Variants in ITPR1 observed in about 807,000 individuals in gnomAD.
ITPR1 encodes inositol 1,4,5-trisphosphate receptor type 1, also known as inositol 1,4,5-trisphosphate-gated calcium channel ITPR1.
Under a neutral mutation model 318.4 loss-of-function variants are expected in ITPR1, and 96 were observed. The observed-to-expected ratio is 0.30, with a 90% CI of 0.26 to 0.36. The LOEUF (loss-of-function observed/expected upper bound fraction) is 0.36. Among genes scored for constraint, ITPR1 ranks in the 10% least tolerant of loss-of-function variants. ITPR1 has a pLI of 1.00. For missense variants in ITPR1, 2,440 were observed against 3,460.2 expected, an observed-to-expected ratio of 0.71 and a Z score of 7.40; for synonymous variants, 1,312 against 1,289.9, an observed-to-expected ratio of 1.02 and a Z score of -0.37.
intron 55 of ITPR1, among the ~76,000 whole-genome samples, chr3:4,806,682 T>C (rs550127958): frequency 4.1e-4 from 63 of 152,204 alleles, no homozygotes; most frequent in Non-Finnish European, 6.9e-4. Flanking sequence ...GTAGCGACCA[T>C]AAGAGTAGGA....
intron 4 of ITPR1, among the ~76,000 whole-genome samples, chr3:4,566,682 C>T (rs939439618): frequency 2.0e-5 from 3 of 151,346 alleles, no homozygotes; most frequent in Non-Finnish European, 4.4e-5. Context: ...TCCCAGGTTC[C>T]TAACCTCCTG....
At chr3:4,806,372 C>T (rs1297544719) in intron 55 of ITPR1, 105 bp downstream of exon 55, 2 of 1,124,640 alleles carry the variant, frequency 1.8e-6, no homozygotes, top group East Asian at 2.4e-5. Context: ...ATTGGTGTGC[C>T]TGGTCCACCA....
chr3:4,727,788 CG>C (rs767515710), intron 42 of ITPR1, among the ~76,000 whole-genome samples: 5 of 152,204 alleles, frequency 3.3e-5, no homozygotes, highest in Non-Finnish European at 7.4e-5. Flanking sequence ...GTTTCCCAGG[CG>C]GGTCTCAGAC....
At chr3:4,832,235 G>C (rs1351254428) in intron 60 of ITPR1, among the ~76,000 whole-genome samples, 2 of 152,204 alleles carry the variant, frequency 1.3e-5, no homozygotes, top group Non-Finnish European at 2.9e-5. Context: ...GGGAGACTCT[G>C]TGTGGTGGTG....
intron 11 of ITPR1, among the ~76,000 whole-genome samples, chr3:4,652,912 C>T (rs539201363): frequency 2.6e-5 from 4 of 152,122 alleles, no homozygotes; most frequent in Middle Eastern, 6.8e-3. Flanking sequence ...CGCTTGAACA[C>T]GGGAGGCAGA....
intron 19 of ITPR1, 77 bp from the exon 20 acceptor site, chr3:4,670,652 C>G: frequency 9.1e-7 from 1 of 1,098,658 alleles, no homozygotes; most frequent in Non-Finnish European, 1.3e-6. Context: ...TTCCATGTGT[C>G]TTTATGCTGA....
At chr3:4,642,611 A>C (rs550824819) in intron 7 of ITPR1, among the ~76,000 whole-genome samples, 3 of 152,374 alleles carry the variant, frequency 2.0e-5, no homozygotes, top group East Asian at 1.9e-4. Flanking sequence ...AATAAAGTTC[A>C]TAAAGGATAG....
chr3:4,846,182 G>T lies in ITPR1; in HGVS notation c.8234G>T (p.Gly2745Val). 6.4e-7 allele frequency: 1 copy of T among 1,569,746 alleles called. No homozygotes were observed. The highest frequency in any genetic ancestry group is 1.9e-5 in the Admixed American group (1 of 53,394). Residue 2745 changes from glycine (G) to valine (V), a missense_variant, in exon 62 of 62, where the codon GGA (glycine) becomes GTA (valine). By Grantham distance (109) the Gly-to-Val change is moderately radical. This residue lies in a region of ITPR1 where 63 missense variants were observed against 63.4 expected (regional missense o/e 0.99). Transcript: ENST00000649015. ...RKQKQRIGLL[G>V]HPPHMNVNPQ... ...CAGAAACAAAGAATTGGTCTTCTAGGACATCCTCCTCACATGAATGTCAAC... is the reference window on the plus strand; with the variant it reads ...CAGAAACAAAGAATTGGTCTTCTAGTACATCCTCCTCACATGAATGTCAAC...
chr3:4,836,683 CAT>C (rs2050942578), intron 60 of ITPR1, 89 bp from the exon 61 acceptor site: 1 of 1,206,366 alleles, frequency 8.3e-7, no homozygotes, highest in Admixed American at 3.6e-5. Flanking sequence ...AGTTAGGAAA[CAT>C]GGCACGGTAA....
At chr3:4,534,526 C>T (rs1335324036) in intron 4 of ITPR1, among the ~76,000 whole-genome samples, 1 of 152,188 alleles carries the variant, frequency 6.6e-6, no homozygotes, top group African/African-American at 2.4e-5. Flanking sequence ...CACGTGTTTT[C>T]CTTTCCAAAA....
rs769648295 is a variant in ITPR1, at chr3:4,699,888, A to G, written c.4483A>G (p.Ile1495Val). 1.4e-5 allele frequency: 23 copies of G among 1,613,646 alleles called. No homozygotes were observed. The highest frequency in any genetic ancestry group is 8.3e-5 in the Admixed American group (5 of 60,004). Residue 1495 changes from isoleucine to valine, a missense_variant, in exon 35 of 62, where the codon ATT becomes GTT. Ile to Val is a conservative substitution (Grantham distance 29, BLOSUM62 3). Coordinates refer to ENST00000649015, the MANE Select transcript of ITPR1 (RefSeq NM_001378452.1). ...GTATGTCACCGAAATCGTCATGAGTATTGTTACTACTTTCTTCAGCTCTCC... is the reference window on the plus strand; with the variant it reads ...GTATGTCACCGAAATCGTCATGAGTGTTGTTACTACTTTCTTCAGCTCTCC... ...EKYVTEIVMS[I>V]VTTFFSSPFS...
At chr3:4,494,765 G>A (rs1170376731) in intron 2 of ITPR1, among the ~76,000 whole-genome samples, 4 of 152,152 alleles carry the variant, frequency 2.6e-5, no homozygotes, top group Non-Finnish European at 5.9e-5. Flanking sequence ...CCATTAAATG[G>A]AGCAATAAAA....
At chr3:4,569,713 A>C (rs1338846330) in intron 4 of ITPR1, among the ~76,000 whole-genome samples, 4 of 152,218 alleles carry the variant, frequency 2.6e-5, no homozygotes, top group Non-Finnish European at 5.9e-5. Flanking sequence ...AAAAGGGTAC[A>C]TGAGTGTTTT....
intron 44 of ITPR1, among the ~76,000 whole-genome samples, chr3:4,755,719 C>T (rs2044921758): frequency 2.0e-5 from 3 of 152,230 alleles, no homozygotes; most frequent in Admixed American, 6.5e-5. Flanking sequence ...TCCACCTTTT[C>T]TCTCAGGTGT....
intron 28 of ITPR1, 27 bp from the exon 29 acceptor site, chr3:4,684,254 C>G: frequency 6.5e-7 from 1 of 1,527,276 alleles, no homozygotes; most frequent in Non-Finnish European, 9.1e-7. Context: ...TTGTACAGAT[C>G]ACACTTGTGT....
At chr3:4,776,354 G>A (rs561277793) in intron 47 of ITPR1, among the ~76,000 whole-genome samples, 94 of 152,288 alleles carry the variant, frequency 6.2e-4, no homozygotes, top group African/African-American at 2.1e-3. Flanking sequence ...ACAGGCTTGA[G>A]CCACCGCGCC....
intron 7 of ITPR1, 67 bp from the exon 8 acceptor site, chr3:4,644,069 T>C: frequency 1.0e-6 from 1 of 996,024 alleles, no homozygotes; most frequent in East Asian, 2.6e-5. Context: ...CTTCTAGAAC[T>C]GCCCAGTGGT....
At chr3:4,569,327 T>A (rs2087735482) in intron 4 of ITPR1, among the ~76,000 whole-genome samples, 1 of 152,250 alleles carries the variant, frequency 6.6e-6, no homozygotes, top group African/African-American at 2.4e-5. Flanking sequence ...AATATAAAAT[T>A]TGATTTTTAA....
intron 24 of ITPR1, among the ~76,000 whole-genome samples, chr3:4,678,897 C>T (rs1327462403): frequency 6.6e-6 from 1 of 152,108 alleles, no homozygotes; most frequent in East Asian, 1.9e-4. Flanking sequence ...AAAGGAGGAC[C>T]AAGCCACACT....
Sources: gnomAD v4.1 joint callset for allele counts (sites outside exome capture counted in the v4.1 genomes callset) on GRCh38, gnomAD v4.1.1 for gene constraint, gnomAD v4.1.1 regional missense constraint, MANE v1.5 for transcripts, NCBI Gene and HGNC (gene_info 2026-07-23, HGNC 2026-07-21) for gene names.